Variants in FAT3 observed in about 807,000 individuals in gnomAD.
The protein encoded by FAT3 is protocadherin Fat 3.
A neutral mutation model predicts 310.2 loss-of-function variants in FAT3; 95 were observed. That is an observed-to-expected ratio of 0.31 (90% CI 0.26 to 0.36). FAT3 has a LOEUF of 0.36. Among genes scored for constraint, FAT3 ranks in the 10% least tolerant of loss-of-function variants. The probability of loss-of-function intolerance (pLI) is 1.00; values close to 1 mark genes in which losing one functional copy is unlikely to be tolerated. For missense variants in FAT3, 5,408 were observed against 5,715.6 expected, an observed-to-expected ratio of 0.95 and a Z score of 1.74; for synonymous variants, 2,314 against 2,192.9, an observed-to-expected ratio of 1.06 and a Z score of -1.54.
At chr11:92,469,625 G>A (rs940502504) in intron 2 of FAT3, among the ~76,000 whole-genome samples, 7 of 151,054 alleles carry the variant, frequency 4.6e-5, no homozygotes, top group African/African-American at 9.7e-5. Context: ...AATGATTCTC[G>A]TGCCTCAGCC....
At chr11:92,300,793 A>G (rs1946979818) in intron 1 of FAT3, among the ~76,000 whole-genome samples, 1 of 152,176 alleles carries the variant, frequency 6.6e-6, no homozygotes, top group South Asian at 2.1e-4. Context: ...AAAAACCTTC[A>G]GTATATATTT....
At chr11:92,763,108 A>G (rs7950344) in intron 5 of FAT3, among the ~76,000 whole-genome samples, 127,028 of 151,246 alleles carry the variant, frequency 0.84, 53,496 homozygotes, top group East Asian at 0.94. Flanking sequence ...GCAGTGAGCC[A>G]AGACCACGCC....
chr11:92,727,862 G>A (rs1014818926), intron 4 of FAT3, among the ~76,000 whole-genome samples: 1 of 152,198 alleles, frequency 6.6e-6, no homozygotes, highest in Non-Finnish European at 1.5e-5. Flanking sequence ...GTTGCCATTT[G>A]CCATGCCGCC....
chr11:92,425,461 A>G (rs548687712), intron 2 of FAT3, among the ~76,000 whole-genome samples: 1 of 152,198 alleles, frequency 6.6e-6, no homozygotes, highest in South Asian at 2.1e-4. Flanking sequence ...ATAGGTATAC[A>G]TGTGCCGTGG....
At chr11:92,245,425 G>A (rs1300180917) in intron 1 of FAT3, among the ~76,000 whole-genome samples, 2 of 152,026 alleles carry the variant, frequency 1.3e-5, no homozygotes, top group African/African-American at 4.8e-5. Flanking sequence ...AACCACCATG[G>A]CACATGTATA....
chr11:92,884,037 A>G (rs1197049900), intron 24 of FAT3, among the ~76,000 whole-genome samples: 1 of 151,072 alleles, frequency 6.6e-6, no homozygotes, highest in East Asian at 2.0e-4. Context: ...AGGGGGATCC[A>G]CAAGGCAGAA....
Position 92,777,739 on chromosome 11 carries a change from GTCT to G in FAT3, c.4335+3564_4335+3566del, listed in dbSNP as rs1946633562. Among the ~76,000 whole-genome samples, 5 of 152,100 alleles carry G rather than the reference GTCT, an allele frequency of 3.3e-5. No individual in the cohort carries two copies. The South Asian group carries it at 1.0e-3, about 32-fold the overall frequency. On this transcript the variant is annotated intron_variant, in intron 7 of 27. Coordinates refer to ENST00000525166, the MANE Select transcript of FAT3 (RefSeq NM_001367949.2). The stretch of plus-strand genomic sequence containing the variant: ...AGCCACCTAACTTCTCCGCACCCTA[GTCT>G]TCTTGTTTGGAGGTGCCAATACCTA...
At chr11:92,852,185 AT>A (rs1197903336) in intron 19 of FAT3, among the ~76,000 whole-genome samples, 1 of 152,214 alleles carries the variant, frequency 6.6e-6, no homozygotes, top group Non-Finnish European at 1.5e-5. Context: ...CTCTAACAAT[AT>A]ATATTTCATA....
chr11:92,832,106 A>C, intron 14 of FAT3, 95 bp downstream of exon 14: 2 of 1,335,030 alleles, frequency 1.5e-6, no homozygotes, highest in South Asian at 3.0e-5. Flanking sequence ...TGAGGCAAGA[A>C]GATCGAGTGA....
intron 2 of FAT3, among the ~76,000 whole-genome samples, chr11:92,459,373 A>G (rs921819210): frequency 6.6e-6 from 1 of 152,160 alleles, no homozygotes; most frequent in Non-Finnish European, 1.5e-5. Flanking sequence ...AGAGTGGTGG[A>G]AAGAGTGAAG....
intron 2 of FAT3, among the ~76,000 whole-genome samples, chr11:92,415,849 C>CTTTTTTTTT (rs1196695394): frequency 3.0e-4 from 21 of 70,388 alleles, no homozygotes; most frequent in South Asian, 1.1e-3. Flanking sequence ...AGCATTTTTG[C>CTTTTTTTTT]TTTTTTTTTT....
rs1948614306 is a variant in FAT3 at position 92,353,069 on chromosome 11, G to T, written c.957G>T (p.Lys319Asn). The T allele has an allele frequency of 1.2e-6, 2 of 1,613,630 alleles. No homozygotes were observed. The highest frequency in any genetic ancestry group is 1.7e-6 in the Non-Finnish European group (2 of 1,179,872). ...LDQFFLAKEG[K>N]WLNEYKIKER... ...AGTTCTTCCTGGCTAAGGAAGGAAA[G>T]TGGTTGAATGAGTACAAGATTAAGG... The change falls in exon 2 of 28, where the codon AAG (lysine) becomes AAT (asparagine). Residue 319 changes from lysine to asparagine, a missense_variant. By Grantham distance (94) the Lys-to-Asn change is moderately conservative. Coordinates refer to ENST00000525166, the MANE Select transcript of FAT3 (RefSeq NM_001367949.2).
rs1157573042 is a variant in FAT3, at chr11:92,342,328, C to T, written c.-17-9768C>T. On this transcript the variant is annotated intron_variant, in intron 1 of 27. Coordinates refer to ENST00000525166, the MANE Select transcript of FAT3 (RefSeq NM_001367949.2). ...CCACCATCCACTGGCTTTCCCCTTG[C>T]CCTGCGTTACCATCTCTTTCTCAAC... 2.0e-5 allele frequency among the ~76,000 whole-genome samples: 3 copies of T among 152,126 alleles called. No individual in the cohort carries two copies. The East Asian group carries it at 5.8e-4, about 29-fold the overall frequency.
chr11:92,226,163 G>C (rs1045464684), intron 1 of FAT3, among the ~76,000 whole-genome samples: 1 of 152,020 alleles, frequency 6.6e-6, no homozygotes, highest in Non-Finnish European at 1.5e-5. Context: ...CCATCTTGGC[G>C]CGGCGCGCGG....
chr11:92,872,633 T>A (rs757521984), intron 22 of FAT3, among the ~76,000 whole-genome samples: 1 of 152,200 alleles, frequency 6.6e-6, no homozygotes. Context: ...TGCAGATACA[T>A]ACTAGAAGGT....
intron 3 of FAT3, among the ~76,000 whole-genome samples, chr11:92,549,243 G>C (rs1225073463): frequency 6.6e-6 from 1 of 152,106 alleles, no homozygotes; most frequent in Non-Finnish European, 1.5e-5. Flanking sequence ...CCCACTATCA[G>C]GGCGTTTTCA....
intron 2 of FAT3, among the ~76,000 whole-genome samples, chr11:92,471,427 C>A (rs946722832): frequency 2.0e-5 from 3 of 151,882 alleles, no homozygotes; most frequent in Admixed American, 6.6e-5. Flanking sequence ...GAAGAGTAAA[C>A]CAAAATGATC....
chr11:92,243,487 T>C (rs1045155458), intron 1 of FAT3, among the ~76,000 whole-genome samples: 1 of 152,116 alleles, frequency 6.6e-6, no homozygotes, highest in Admixed American at 6.6e-5. Context: ...ACTTGCTTTA[T>C]GTTTTAGAAA....
intron 1 of FAT3, among the ~76,000 whole-genome samples, chr11:92,237,031 G>A (rs561720190): frequency 3.9e-4 from 60 of 152,250 alleles, no homozygotes; most frequent in Non-Finnish European, 7.4e-4. Context: ...GTAGCAGCAG[G>A]CATTACCAGA....
Sources: gnomAD v4.1 joint callset for allele counts (sites outside exome capture counted in the v4.1 genomes callset) on GRCh38, gnomAD v4.1.1 for gene constraint, MANE v1.5 for transcripts, NCBI Gene and HGNC (gene_info 2026-07-23, HGNC 2026-07-21) for gene names.